Variants in BACH2 observed in about 807,000 individuals in gnomAD.
The protein encoded by BACH2 is transcription regulator protein BACH2.
In BACH2, 5 loss-of-function variants were observed where a neutral mutation model predicts 61.8. The observed-to-expected ratio is 0.08, with a 90% CI of 0.04 to 0.17. BACH2 has a LOEUF of 0.17. BACH2 is among the 10% of genes least tolerant of loss of function. The pLI is 1.00. For missense variants in BACH2, 824 were observed against 1,091.1 expected (o/e 0.76, Z 3.45); for synonymous variants, 446 against 440.1 (o/e 1.01, Z -0.17).
chr6:90,234,258 G>C (rs891622763), intron 3 of BACH2, among the ~76,000 whole-genome samples: 6 of 152,200 alleles, frequency 3.9e-5, no homozygotes, highest in African/African-American at 1.2e-4. Context: ...AGTCGGTGGT[G>C]CAAGTGCGGA....
chr6:90,280,563 G>C (rs145436005), intron 1 of BACH2, among the ~76,000 whole-genome samples: 1 of 152,260 alleles, frequency 6.6e-6, no homozygotes, highest in East Asian at 1.9e-4. Context: ...AACCATGAGG[G>C]ATCTTAGAGA....
chr6:90,028,705 A>G (rs1439982111), intron 5 of BACH2, among the ~76,000 whole-genome samples: 2 of 152,180 alleles, frequency 1.3e-5, no homozygotes, highest in Non-Finnish European at 2.9e-5. Context: ...GTAAGCACCC[A>G]TTAGATACTG....
chr6:89,952,125 G>A (rs1179358124), intron 6 of BACH2: 5 of 511,592 alleles, frequency 9.8e-6, no homozygotes, highest in South Asian at 2.3e-5. Flanking sequence ...AGATGACAAC[G>A]GGTTCAGTGT....
intron 4 of BACH2, among the ~76,000 whole-genome samples, chr6:90,174,054 G>A (rs188822877): frequency 4.5e-4 from 69 of 151,860 alleles, no homozygotes; most frequent in Non-Finnish European, 7.1e-4. Context: ...TAATTCCCTG[G>A]GAAGATATAA....
At chr6:90,275,954 G>A (rs944574363) in intron 1 of BACH2, among the ~76,000 whole-genome samples, 4 of 149,142 alleles carry the variant, frequency 2.7e-5, no homozygotes, top group African/African-American at 4.9e-5. Flanking sequence ...GGGTGACAGG[G>A]CTAGATTTCG....
chr6:90,162,098 T>C (rs894639530), intron 4 of BACH2, among the ~76,000 whole-genome samples: 2 of 152,192 alleles, frequency 1.3e-5, no homozygotes, highest in African/African-American at 2.4e-5. Context: ...TCACGATTTT[T>C]GGACACTGGC....
intron 4 of BACH2, among the ~76,000 whole-genome samples, chr6:90,123,821 T>C (rs1403097678): frequency 7.0e-6 from 1 of 142,466 alleles, no homozygotes; most frequent in African/African-American, 2.7e-5. Context: ...CATAAAGAAA[T>C]TTCTATTAGA....
In BACH2 at chr6:89,948,112, TG is replaced by T. The variant is rs564706772; in HGVS notation, c.1836+2157del. Among the ~76,000 whole-genome samples, 427 of 152,026 alleles carry T rather than the reference TG, an allele frequency of 2.8e-3. 4 individuals are homozygous for T. Among genetic ancestry groups the T allele is most frequent in the African/African-American group, 9.7e-3 (403 of 41,454 alleles). On this transcript the variant is annotated intron_variant, in intron 7 of 8. Coordinates refer to ENST00000257749, the MANE Select transcript of BACH2 (RefSeq NM_021813.4). The stretch of plus-strand genomic sequence containing the variant: ...TCTTTTGGGATATTGGCGGCGAGGG[TG>T]GGGGGACACAAAAGAAGATGTATCT...
chr6:90,109,409 C>T (rs568375821), intron 4 of BACH2, among the ~76,000 whole-genome samples: 2 of 152,298 alleles, frequency 1.3e-5, no homozygotes, highest in South Asian at 2.1e-4. Context: ...GCTCCTCCTC[C>T]TCTGCTCCCC....
At chr6:90,261,950 C>G (rs987251039) in intron 2 of BACH2, among the ~76,000 whole-genome samples, 1 of 152,168 alleles carries the variant, frequency 6.6e-6, no homozygotes, top group Non-Finnish European at 1.5e-5. Context: ...TCTGTAGGAG[C>G]AGAGTGACCC....
chr6:90,279,000 T>C (rs554450980), intron 1 of BACH2, among the ~76,000 whole-genome samples: 1 of 152,310 alleles, frequency 6.6e-6, no homozygotes, highest in African/African-American at 2.4e-5. Context: ...ATAAAAATTA[T>C]CAAGGAGATA....
rs937166819 is a variant in BACH2, at chr6:89,986,106, G to C, written c.243+22496C>G. 3.9e-5 allele frequency among the ~76,000 whole-genome samples: 6 copies of C among 152,286 alleles called. No individual in the cohort carries two copies. In the East Asian group the frequency reaches 5.8e-4, roughly 15 times the overall value. The stretch of plus-strand genomic sequence containing the variant: ...AGCTGGGGAGACTGATAGTGGCGGC[G>C]GCGAACTGAACTCAGCCCCCTGCCT... On this transcript the variant is annotated intron_variant, in intron 6 of 8. Transcript: ENST00000257749.
At chr6:89,947,628 C>T (rs551213982) in intron 7 of BACH2, among the ~76,000 whole-genome samples, 13 of 151,938 alleles carry the variant, frequency 8.6e-5, no homozygotes, top group African/African-American at 2.2e-4. Context: ...TGCAGCGGCG[C>T]GATCTCGGCT....
At chr6:90,130,709 C>T (rs1433381918) in intron 4 of BACH2, among the ~76,000 whole-genome samples, 3 of 152,172 alleles carry the variant, frequency 2.0e-5, no homozygotes, top group South Asian at 2.1e-4. Context: ...CCTGCTTCAC[C>T]ATGGGACAAT....
At chr6:90,035,434 GCT>G (rs1477291266) in intron 5 of BACH2, among the ~76,000 whole-genome samples, 1 of 152,102 alleles carries the variant, frequency 6.6e-6, no homozygotes, top group East Asian at 1.9e-4. Flanking sequence ...TTTCTCCTCT[GCT>G]CTTTCTTCTC....
At chr6:90,258,814 T>A (rs930937075) in intron 2 of BACH2, among the ~76,000 whole-genome samples, 1 of 152,200 alleles carries the variant, frequency 6.6e-6, no homozygotes, top group African/African-American at 2.4e-5. Context: ...TTCTTTTTGA[T>A]GCTTTGTTAA....
intron 4 of BACH2, among the ~76,000 whole-genome samples, chr6:90,185,171 C>A (rs1768312175): frequency 6.6e-6 from 1 of 152,086 alleles, no homozygotes; most frequent in Admixed American, 6.5e-5. Flanking sequence ...AGCCAACCAG[C>A]CTGAGGAAAT....
chr6:90,192,334 T>C (rs1768604404), intron 4 of BACH2, among the ~76,000 whole-genome samples: 2 of 152,076 alleles, frequency 1.3e-5, no homozygotes, highest in Admixed American at 1.3e-4. Context: ...ATAAACCTAT[T>C]CAACAGGTAA....
At chr6:90,177,228 A>C (rs1222020211) in intron 4 of BACH2, among the ~76,000 whole-genome samples, 1 of 152,060 alleles carries the variant, frequency 6.6e-6, no homozygotes, top group Non-Finnish European at 1.5e-5. Context: ...AATGCACACT[A>C]TTTTATTCAC....
Sources: gnomAD v4.1 joint callset for allele counts (sites outside exome capture counted in the v4.1 genomes callset) on GRCh38, gnomAD v4.1.1 for gene constraint, MANE v1.5 for transcripts, NCBI Gene and HGNC (gene_info 2026-07-23, HGNC 2026-07-21) for gene names.